Variants in UBE2E2 observed in about 807,000 individuals in gnomAD.
The protein encoded by UBE2E2 is ubiquitin conjugating enzyme E2 E2, also known as ubiquitin-conjugating enzyme E2 E2.
UBE2E2 carries 6 observed loss-of-function variants against 24.7 expected under a neutral mutation model. The ratio of observed to expected loss-of-function variants is 0.24; its 90% CI spans 0.13 to 0.48. The LOEUF is 0.48. Among genes scored for constraint, UBE2E2 ranks in the 20% least tolerant of loss-of-function variants. UBE2E2 has a pLI of 0.99. For missense variants in UBE2E2, 169 were observed against 245.0 expected, an observed-to-expected ratio of 0.69 and a Z score of 2.07; for synonymous variants, 104 against 83.6, an observed-to-expected ratio of 1.24 and a Z score of -1.33.
At chr3:23,472,175 G>A (rs1699044546) in intron 3 of UBE2E2, among the ~76,000 whole-genome samples, 1 of 152,148 alleles carries the variant, frequency 6.6e-6, no homozygotes, top group South Asian at 2.1e-4. Context: ...AAAAATCAAT[G>A]GAGTATATAA....
At chr3:23,567,066 G>T (rs2125508897) in intron 5 of UBE2E2, among the ~76,000 whole-genome samples, 1 of 152,252 alleles carries the variant, frequency 6.6e-6, no homozygotes, top group Admixed American at 6.5e-5. Flanking sequence ...TGCATTCTAG[G>T]ATCAGTGAAT....
At chr3:23,480,204 C>T (rs913352643) in intron 3 of UBE2E2, among the ~76,000 whole-genome samples, 3 of 152,194 alleles carry the variant, frequency 2.0e-5, no homozygotes, top group African/African-American at 7.2e-5. Flanking sequence ...TGGAAGGAGC[C>T]TGTGCAGCAG....
chr3:23,379,604 A>T (rs1575595213), intron 3 of UBE2E2, among the ~76,000 whole-genome samples: 1 of 151,332 alleles, frequency 6.6e-6, no homozygotes, highest in Admixed American at 6.6e-5. Flanking sequence ...ATAGTATTCC[A>T]TGGTGTATAT....
intron 3 of UBE2E2, among the ~76,000 whole-genome samples, chr3:23,292,006 C>A (rs1429409796): frequency 2.0e-5 from 3 of 151,840 alleles, no homozygotes; most frequent in Non-Finnish European, 2.9e-5. Context: ...CTACAGGCGC[C>A]CGCCACCGCA....
intron 3 of UBE2E2, among the ~76,000 whole-genome samples, chr3:23,460,600 T>G (rs927822834): frequency 2.6e-5 from 4 of 152,104 alleles, no homozygotes; most frequent in Non-Finnish European, 5.9e-5. Context: ...AAGTGGAAAG[T>G]TATGCATTCA....
At chr3:23,375,972 T>A (rs908641318) in intron 3 of UBE2E2, among the ~76,000 whole-genome samples, 1 of 152,238 alleles carries the variant, frequency 6.6e-6, no homozygotes, top group African/African-American at 2.4e-5. Context: ...TTTGTAAAAC[T>A]GCTCAGTAAT....
intron 3 of UBE2E2, among the ~76,000 whole-genome samples, chr3:23,235,193 TG>T (rs916983452): frequency 1.6e-4 from 24 of 152,140 alleles, no homozygotes; most frequent in African/African-American, 5.8e-4. Context: ...TATGATGAGC[TG>T]GGGAAGTAAA....
chr3:23,339,000 A>T (rs1052976818), intron 3 of UBE2E2, among the ~76,000 whole-genome samples: 1 of 152,202 alleles, frequency 6.6e-6, no homozygotes, highest in Non-Finnish European at 1.5e-5. Context: ...TACTATAATT[A>T]TAAAGGAATC....
chr3:23,360,604 G>A (rs993912722), intron 3 of UBE2E2, among the ~76,000 whole-genome samples: 1 of 152,078 alleles, frequency 6.6e-6, no homozygotes, highest in Non-Finnish European at 1.5e-5. Flanking sequence ...ACTAGCTTCA[G>A]GTTCATGGTG....
At chr3:23,313,198 T>C (rs1694459682) in intron 3 of UBE2E2, among the ~76,000 whole-genome samples, 1 of 152,160 alleles carries the variant, frequency 6.6e-6, no homozygotes, top group African/African-American at 2.4e-5. Flanking sequence ...ATTGACCCTT[T>C]TATTGTTATA....
chr3:23,352,771 C>G (rs1368368824), intron 3 of UBE2E2, among the ~76,000 whole-genome samples: 1 of 152,086 alleles, frequency 6.6e-6, no homozygotes, highest in African/African-American at 2.4e-5. Flanking sequence ...GAGTCCAGGA[C>G]CAGATGGATT....
At chr3:23,562,345 G>C (rs1695954708) in intron 5 of UBE2E2, among the ~76,000 whole-genome samples, 1 of 152,066 alleles carries the variant, frequency 6.6e-6, no homozygotes, top group Admixed American at 6.6e-5. Flanking sequence ...TTTTGTCTTT[G>C]GTTCTATTTA....
intron 3 of UBE2E2, among the ~76,000 whole-genome samples, chr3:23,316,514 T>G (rs1388978195): frequency 1.3e-5 from 2 of 151,772 alleles, no homozygotes; most frequent in Non-Finnish European, 2.9e-5. Context: ...AGGGCAGTGG[T>G]CTCCCCTCTG....
intron 3 of UBE2E2, among the ~76,000 whole-genome samples, chr3:23,276,001 C>T (rs1181257342): frequency 6.6e-6 from 1 of 151,800 alleles, no homozygotes; most frequent in African/African-American, 2.4e-5. Flanking sequence ...TGAATGATAC[C>T]AGGGGCTTTG....
intron 3 of UBE2E2, among the ~76,000 whole-genome samples, chr3:23,477,030 A>G (rs1699155108): frequency 6.6e-6 from 1 of 152,164 alleles, no homozygotes; most frequent in African/African-American, 2.4e-5. Flanking sequence ...ATTATTAACA[A>G]AATTATCATT....
Position 23,221,482 on chromosome 3 carries a change from G to T in UBE2E2, c.227+4170G>T, listed in dbSNP as rs79319139. Among the ~76,000 whole-genome samples the T allele has an allele frequency of 3.2e-3, 486 of 151,968 alleles. 3 individuals are homozygous for T. Among genetic ancestry groups the T allele is most frequent in the African/African-American group, 0.011 (462 of 41,444 alleles). ...CCCAGCTCTTTCACCACCAGCCCTC[G>T]GCAGCAATTAGTCTACTTTCTGTTT... On this transcript the variant is annotated intron_variant, in intron 3 of 5. Transcript: ENST00000396703.
At chr3:23,588,866 T>G (rs898881101) in intron 5 of UBE2E2, among the ~76,000 whole-genome samples, 2 of 152,154 alleles carry the variant, frequency 1.3e-5, no homozygotes, top group African/African-American at 4.8e-5. Flanking sequence ...TAACATCTAT[T>G]AGTATTTTTG....
At position 23,206,441 on chromosome 3, in the gene UBE2E2, T is replaced by G. The variant is rs900470889; in HGVS notation, c.-8-2251T>G. Among the ~76,000 whole-genome samples the G allele has an allele frequency of 4.6e-5, 7 of 152,208 alleles. No individual in the cohort carries two copies. The South Asian group carries it at 1.2e-3, about 27-fold the overall frequency. On this transcript the variant is annotated intron_variant, in intron 1 of 5. Transcript: ENST00000396703. The stretch of plus-strand genomic sequence containing the variant: ...GTGTTCTATTAAGTGACTTTAGTGC[T>G]CATAAAAGATGTCACAGCTGTGGAG...
rs958418323 is a variant in UBE2E2, at chr3:23,238,458, G to A, written c.227+21146G>A. 2.6e-5 allele frequency among the ~76,000 whole-genome samples: 4 copies of A among 152,308 alleles called. No homozygotes were observed. The East Asian group carries it at 5.8e-4, about 22-fold the overall frequency. On this transcript the variant is annotated intron_variant, in intron 3 of 5. Coordinates refer to ENST00000396703, the MANE Select transcript of UBE2E2 (RefSeq NM_152653.4). ...ACATTGTTCGGGAGAGGCCATGCCT[G>A]TGGTAGCAGTTAAAAGGAACAAAAC...
Sources: gnomAD v4.1 joint callset for allele counts (sites outside exome capture counted in the v4.1 genomes callset) on GRCh38, gnomAD v4.1.1 for gene constraint, MANE v1.5 for transcripts, NCBI Gene and HGNC (gene_info 2026-07-23, HGNC 2026-07-21) for gene names.